Variants in CEP128 observed in about 807,000 individuals in gnomAD.
CEP128 encodes centrosomal protein 128.
In CEP128, 132 loss-of-function variants were observed where a neutral mutation model predicts 156.7. The observed-to-expected ratio is 0.84, with a 90% CI of 0.73 to 0.97. CEP128 has a LOEUF of 0.97. Among genes scored for constraint, CEP128 ranks in the 50% least tolerant of loss-of-function variants. The pLI is 0.00. For missense variants in CEP128, 1,252 were observed against 1,281.9 expected (o/e 0.98, Z 0.36); for synonymous variants, 469 against 448.9 (o/e 1.04, Z -0.57).
At chr14:80,515,872 C>T (rs554002823) in intron 23 of CEP128, among the ~76,000 whole-genome samples, 5 of 152,086 alleles carry the variant, frequency 3.3e-5, no homozygotes, top group African/African-American at 4.8e-5. Context: ...GTACCACTTA[C>T]GTTTTTTCTT....
At chr14:80,626,427 G>A (rs1435493040) in intron 19 of CEP128, among the ~76,000 whole-genome samples, 1 of 138,192 alleles carries the variant, frequency 7.2e-6, no homozygotes, top group African/African-American at 2.9e-5. Flanking sequence ...TTGCGCCACT[G>A]CAGTCCACAG....
At position 80,884,841 on chromosome 14, in the gene CEP128, C is replaced by T. The variant is rs544962423; in HGVS notation, c.645+10877G>A. On this transcript the variant is annotated intron_variant, in intron 8 of 24. Transcript: ENST00000555265. Reference sequence around the variant, plus strand: ...CACTCCCTTAAAAGGGGGCTGAAGCCAGGGAGCCAAGTGGTCTCACTCAGC... The same window carrying T: ...CACTCCCTTAAAAGGGGGCTGAAGCTAGGGAGCCAAGTGGTCTCACTCAGC... 3.9e-5 allele frequency among the ~76,000 whole-genome samples: 6 copies of T among 152,270 alleles called. No individual in the cohort carries two copies. In the South Asian group the frequency reaches 1.2e-3, roughly 32 times the overall value.
At chr14:80,898,827 T>G (rs1180073789) in intron 7 of CEP128, among the ~76,000 whole-genome samples, 2 of 152,202 alleles carry the variant, frequency 1.3e-5, no homozygotes, top group Non-Finnish European at 2.9e-5. Flanking sequence ...ATCCAGGAAT[T>G]CAAATGCTTT....
At chr14:80,692,028 A>C (rs1231162103) in intron 19 of CEP128, among the ~76,000 whole-genome samples, 2 of 152,124 alleles carry the variant, frequency 1.3e-5, no homozygotes, top group Non-Finnish European at 2.9e-5. Flanking sequence ...ACTCCCAAAA[A>C]TTGTTATACC....
chr14:80,857,759 C>CAA (rs1227461008), intron 9 of CEP128, among the ~76,000 whole-genome samples: 11 of 143,150 alleles, frequency 7.7e-5, no homozygotes, highest in South Asian at 2.2e-4. Context: ...ACAACAACAA[C>CAA]AACAACAACA....
chr14:80,817,706 C>A (rs1208604614), intron 13 of CEP128, among the ~76,000 whole-genome samples: 1 of 152,062 alleles, frequency 6.6e-6, no homozygotes, highest in Non-Finnish European at 1.5e-5. Flanking sequence ...CGTGATGAAA[C>A]CCCATCTCTA....
At chr14:80,896,152 A>C (rs77923167) in intron 7 of CEP128, among the ~76,000 whole-genome samples, 1 of 152,250 alleles carries the variant, frequency 6.6e-6, no homozygotes, top group African/African-American at 2.4e-5. Flanking sequence ...TAAATTAAGA[A>C]AAAAGAGAGA....
At chr14:80,931,247 C>T (rs1027784374) in intron 2 of CEP128, among the ~76,000 whole-genome samples, 6 of 152,282 alleles carry the variant, frequency 3.9e-5, no homozygotes, top group South Asian at 2.1e-4. Context: ...TGTGCACAGA[C>T]GAAGCAGCTG....
intron 23 of CEP128, among the ~76,000 whole-genome samples, chr14:80,521,925 G>A (rs974014373): frequency 5.3e-5 from 8 of 152,104 alleles, no homozygotes; most frequent in Non-Finnish European, 1.2e-4. Context: ...CTAAATCTCT[G>A]TATAGGGGAG....
chr14:80,774,100 AT>A (rs1900658688), intron 16 of CEP128, among the ~76,000 whole-genome samples: 1 of 152,218 alleles, frequency 6.6e-6, no homozygotes, highest in South Asian at 2.1e-4. Flanking sequence ...CATGAGGAAA[AT>A]ATGCTAAAGT....
At chr14:80,689,038 T>C (rs990984392) in intron 19 of CEP128, among the ~76,000 whole-genome samples, 1 of 151,962 alleles carries the variant, frequency 6.6e-6, no homozygotes, top group Admixed American at 6.6e-5. Flanking sequence ...CACGATACAA[T>C]ATGCACTGGA....
At chr14:80,741,241 CCTT>C (rs1898816309) in intron 19 of CEP128, among the ~76,000 whole-genome samples, 1 of 152,250 alleles carries the variant, frequency 6.6e-6, no homozygotes, top group African/African-American at 2.4e-5. Flanking sequence ...AAATGTCTCT[CCTT>C]CTGAAAACTT....
intron 21 of CEP128, among the ~76,000 whole-genome samples, chr14:80,534,693 C>T (rs1207361425): frequency 1.3e-5 from 2 of 151,922 alleles, no homozygotes; most frequent in Non-Finnish European, 1.5e-5. Flanking sequence ...GGCGCGGTGG[C>T]GGGCACCTGT....
At chr14:80,856,464 G>A (rs148151561) in intron 9 of CEP128, among the ~76,000 whole-genome samples, 139 of 152,172 alleles carry the variant, frequency 9.1e-4, no homozygotes, top group African/African-American at 3.2e-3. Flanking sequence ...GGGCAACATG[G>A]CGAAACCTGT....
intron 19 of CEP128, among the ~76,000 whole-genome samples, chr14:80,682,033 A>G (rs1896344584): frequency 6.6e-6 from 1 of 152,186 alleles, no homozygotes; most frequent in African/African-American, 2.4e-5. Flanking sequence ...ACTTGAACCT[A>G]GGAGATCAAA....
At chr14:80,607,966 C>T (rs1892851487) in intron 19 of CEP128, among the ~76,000 whole-genome samples, 1 of 152,192 alleles carries the variant, frequency 6.6e-6, no homozygotes, top group African/African-American at 2.4e-5. Context: ...AGCTCCAGTC[C>T]TGCTGGCTTT....
intron 14 of CEP128, among the ~76,000 whole-genome samples, chr14:80,788,177 T>C (rs939452729): frequency 2.6e-5 from 4 of 152,044 alleles, no homozygotes; most frequent in African/African-American, 9.7e-5. Context: ...AATGTCAGTG[T>C]CTTTACTGTC....
rs114531954 is a variant in CEP128 at position 80,850,207 on chromosome 14, C to T, written c.763-9439G>A. Among the ~76,000 whole-genome samples the T allele has an allele frequency of 1.8e-3, 279 of 152,196 alleles. 2 individuals are homozygous for T. Among genetic ancestry groups the T allele is most frequent in the African/African-American group, 6.3e-3 (263 of 41,554 alleles). On this transcript the variant is annotated intron_variant, in intron 9 of 24. Transcript: ENST00000555265. ...CACAATGTGTCATACTTTTTAACAG[C>T]AGAGGGTAACACCGTTTCAAATTTA...
intron 24 of CEP128, among the ~76,000 whole-genome samples, chr14:80,503,069 G>A (rs1412622489): frequency 6.6e-6 from 1 of 152,020 alleles, no homozygotes; most frequent in African/African-American, 2.4e-5. Context: ...ATGGGGATAG[G>A]TCTGGGAAGA....
Sources: gnomAD v4.1 joint callset for allele counts (sites outside exome capture counted in the v4.1 genomes callset) on GRCh38, gnomAD v4.1.1 for gene constraint, MANE v1.5 for transcripts, NCBI Gene and HGNC (gene_info 2026-07-23, HGNC 2026-07-21) for gene names.